FGD2: variants seen among roughly 807,000 people sequenced by gnomAD.
The protein encoded by FGD2 is FYVE, RhoGEF and PH domain containing 2, also known as FYVE, RhoGEF and PH domain-containing protein 2.
Under a neutral mutation model 75.9 loss-of-function variants are expected in FGD2, and 52 were observed. The observed-to-expected ratio is 0.69, with a 90% CI of 0.55 to 0.86. The LOEUF is 0.86. Among genes scored for constraint, FGD2 ranks in the 40% least tolerant of loss-of-function variants. The pLI is 0.00. For synonymous variants in FGD2, 347 were observed against 348.6 expected (o/e 1.00, Z 0.05); for missense variants, 790 against 872.0 (o/e 0.91, Z 1.18).
chr6:37,021,555 C>T lies in FGD2; in HGVS notation c.1277C>T (p.Thr426Ile), dbSNP rs368966699. The T allele has an allele frequency of 2.5e-6, 4 of 1,613,884 alleles. No individual in the cohort carries two copies. Among genetic ancestry groups the T allele is most frequent in the African/African-American group, 1.3e-5 (1 of 74,930 alleles). ...AIDQIEKRNE[T>I]FKAAAQGPEG... ...GACCAAATCGAGAAGCGGAATGAAA[C>T]CTTCAAGGCTGCGGCCCAGGGGCCT... is the stretch of plus-strand genomic sequence containing the variant. Residue 426 changes from threonine (T) to isoleucine (I), a missense_variant, in exon 12 of 16, where the codon ACC becomes ATC. Transcript: ENST00000274963.
rs1372242746 is a variant in FGD2 at position 37,027,731 on chromosome 6, G to C, written c.1752+156G>C. The C allele has an allele frequency of 3.5e-6, 4 of 1,142,818 alleles. No homozygotes were observed. The African/African-American group carries it at 6.2e-5, about 18-fold the overall frequency. 70.8% of individuals were successfully genotyped at this position (1,142,818 alleles called of 1,614,324 possible). On this transcript the variant is annotated intron_variant, in intron 15 of 15. Coordinates refer to ENST00000274963, the MANE Select transcript of FGD2 (RefSeq NM_173558.4). ...TATCCTGGAGTCTCAAGGTTGGTAG[G>C]TTTCAGAATTGTGCCCTGACTCTAG...
chr6:37,026,322 C>G, intron 14 of FGD2: 1 of 985,422 alleles, frequency 1.0e-6, no homozygotes, highest in Non-Finnish European at 1.2e-6. Flanking sequence ...CACTGACGCT[C>G]CAGGTCAGAC....
At chr6:37,014,240 C>A in intron 6 of FGD2, 140 bp downstream of exon 6, 1 of 1,041,546 alleles carries the variant, frequency 9.6e-7, no homozygotes, top group Non-Finnish European at 1.4e-6. Flanking sequence ...ATCATCCATA[C>A]CATTAGCCAT....
chr6:37,027,608 CCCTGGCCT>C, intron 15 of FGD2, 33 bp downstream of exon 15: 3 of 1,611,994 alleles, frequency 1.9e-6, no homozygotes, highest in Non-Finnish European at 2.5e-6. Context: ...CCCCGTCAGG[CCCTGGCCT>C]TCCCACAGCG....
At position 37,010,957 on chromosome 6, in the gene FGD2, C is replaced by T; in HGVS notation, c.301-16C>T. The T allele has an allele frequency of 6.2e-7, 1 of 1,613,672 alleles. No homozygotes were observed. The highest frequency in any genetic ancestry group is 2.2e-5 in the East Asian group (1 of 44,880). ...TTCCCCCTTTTTCTCCTTCTCTCCC[C>T]TCCAATCCTCCGCAGGAGCCAGAGA... On this transcript the variant is annotated splice_polypyrimidine_tract_variant and intron_variant, in intron 2 of 15. Transcript: ENST00000274963.
chr6:37,010,467 T>C (rs543348203), intron 2 of FGD2, among the ~76,000 whole-genome samples: 28 of 152,334 alleles, frequency 1.8e-4, no homozygotes, highest in African/African-American at 6.7e-4. Context: ...AGGAATTTGG[T>C]TGGCGGACGC....
intron 5 of FGD2, 96 bp downstream of exon 5, chr6:37,013,861 T>G: frequency 6.3e-7 from 1 of 1,585,270 alleles, no homozygotes; most frequent in Non-Finnish European, 8.6e-7. Flanking sequence ...CAGGCTCAGC[T>G]GCTTCCATAG....
chr6:37,020,905 T>TGTGTGC (rs1397092544), intron 11 of FGD2, among the ~76,000 whole-genome samples, 166 bp downstream of exon 11: 3 of 151,218 alleles, frequency 2.0e-5, no homozygotes, highest in Non-Finnish European at 4.4e-5. Context: ...TGTGTGTGTG[T>TGTGTGC]GTGTGTGCAT....
At chr6:37,015,147 A>T (rs1031841571) in intron 8 of FGD2, 109 bp downstream of exon 8, 1 of 1,399,030 alleles carries the variant, frequency 7.1e-7, no homozygotes, top group Non-Finnish European at 9.5e-7. Flanking sequence ...GGGGACAGGG[A>T]AGAGAACGCT....
Position 37,013,699 on chromosome 6 carries a change from G to C in FGD2, c.618G>C (p.Ala206=). The C allele has an allele frequency of 6.2e-7, 1 of 1,614,072 alleles. No homozygotes were observed. The highest frequency in any genetic ancestry group is 8.5e-7 in the Non-Finnish European group (1 of 1,179,972). The change falls in exon 5 of 16, where the codon GCG becomes GCC. Residue 206 remains alanine (A), a synonymous_variant. Transcript: ENST00000274963. ...YSEYVKNFER[A]AELLATWTDK... ...AGTATGTCAAGAACTTTGAGCGAGCGGCTGAGCTGCTGGCCACCTGGACCG... is the reference window on the plus strand; with the variant it reads ...AGTATGTCAAGAACTTTGAGCGAGCCGCTGAGCTGCTGGCCACCTGGACCG...
At position 37,022,380 on chromosome 6, in the gene FGD2, C is replaced by G. The variant is rs1241643983; in HGVS notation, c.1458+10C>G. ...CCGGGCCTGCGGCTATGTGAGTACT[C>G]CTGCCAGCACTCCTGCCTCCACCTG... On this transcript the variant is annotated intron_variant, in intron 13 of 15. Coordinates refer to ENST00000274963, the MANE Select transcript of FGD2 (RefSeq NM_173558.4). 5 of 1,560,634 alleles carry G rather than the reference C, an allele frequency of 3.2e-6. No individual in the cohort carries two copies. The highest frequency in any genetic ancestry group is 2.4e-5 in the East Asian group (1 of 41,096).
intron 9 of FGD2, among the ~76,000 whole-genome samples, chr6:37,018,424 C>T (rs1296176183): frequency 6.6e-6 from 1 of 152,180 alleles, no homozygotes; most frequent in Non-Finnish European, 1.5e-5. Flanking sequence ...TTTTCTGAGT[C>T]TGTGATTTGG....
In FGD2 at chr6:37,027,513, C is replaced by G; in HGVS notation, c.1690C>G (p.Arg564Gly). Residue 564 changes from arginine (R) to glycine (G), a missense_variant, in exon 15 of 16, where the codon CGG becomes GGG. Coordinates refer to ENST00000274963, the MANE Select transcript of FGD2 (RefSeq NM_173558.4). ...GGACAAGTGGGGCAAGAGCGGCCCC[C>G]GGGGCTGGTGTGTGATCCCTCGGGA... ...IGDKWGKSGPRGWCVIPRDDP... is the reference protein window; with the variant it reads ...IGDKWGKSGPGGWCVIPRDDP... 6.2e-7 allele frequency: 1 copy of G among 1,613,978 alleles called. No homozygotes were observed. Among genetic ancestry groups the G allele is most frequent in the Non-Finnish European group, 8.5e-7 (1 of 1,179,912 alleles).
intron 3 of FGD2, 22 bp downstream of exon 3, chr6:37,011,072 C>A (rs201539823): frequency 1.7e-5 from 27 of 1,612,054 alleles, no homozygotes; most frequent in African/African-American, 2.7e-5. Flanking sequence ...GGACACCCCC[C>A]TCTAGAGCCC....
At chr6:37,008,542 T>C (rs1032001893) in intron 1 of FGD2, among the ~76,000 whole-genome samples, 7 of 152,178 alleles carry the variant, frequency 4.6e-5, no homozygotes, top group Admixed American at 1.3e-4. Flanking sequence ...AAAACCCCTA[T>C]ATACAGAAAG....
chr6:37,011,343 C>T, intron 3 of FGD2: 3 of 560,704 alleles, frequency 5.4e-6, no homozygotes, highest in Admixed American at 3.1e-5. Context: ...TCAATGCCCA[C>T]AACCTCACAA....
At chr6:37,006,358 C>T (rs553237237) in intron 1 of FGD2, among the ~76,000 whole-genome samples, 7 of 152,220 alleles carry the variant, frequency 4.6e-5, no homozygotes, top group Non-Finnish European at 8.8e-5. Context: ...CCAGGATGTA[C>T]GGGCAGCATC....
chr6:37,017,707 C>A (rs564719777), intron 9 of FGD2, among the ~76,000 whole-genome samples: 3 of 152,172 alleles, frequency 2.0e-5, no homozygotes, highest in Non-Finnish European at 4.4e-5. Flanking sequence ...ACCCCTACCC[C>A]CTTCAGCCCC....
At chr6:37,011,660 G>A in intron 3 of FGD2, 46 bp from the exon 4 acceptor site, 1 of 1,612,316 alleles carries the variant, frequency 6.2e-7, no homozygotes, top group South Asian at 1.1e-5. Flanking sequence ...TGATGTGTGG[G>A]TGGCTCCCTG....
Sources: allele counts gnomAD v4.1 joint callset (sites outside exome capture counted in the v4.1 genomes callset), GRCh38; gene constraint gnomAD v4.1.1; transcripts MANE v1.5; gene names NCBI Gene and HGNC (gene_info 2026-07-23, HGNC 2026-07-21).